The following SCFD2 variants were observed in gnomAD, a reference collection of about 807,000 sequenced individuals.
SCFD2 encodes sec1 family domain-containing protein 2.
SCFD2 carries 54 observed loss-of-function variants against 58.9 expected under a neutral mutation model. The observed-to-expected ratio is 0.92, with a 90% CI of 0.74 to 1.15. SCFD2 has a LOEUF of 1.15. Among genes scored for constraint, SCFD2 ranks in the 50% most tolerant of loss-of-function variants. The pLI is 0.00. For missense variants in SCFD2, 805 were observed against 836.6 expected (o/e 0.96, Z 0.47); for synonymous variants, 321 against 335.9 (o/e 0.96, Z 0.49).
chr4:53,094,256 C>T (rs1724554292), intron 5 of SCFD2, among the ~76,000 whole-genome samples: 1 of 152,038 alleles, frequency 6.6e-6, no homozygotes, highest in Admixed American at 6.6e-5. Context: ...GCTACGGATG[C>T]CATAACAAAT....
intron 5 of SCFD2, among the ~76,000 whole-genome samples, chr4:52,944,119 C>A (rs1270981643): frequency 6.6e-6 from 1 of 152,186 alleles, no homozygotes; most frequent in African/African-American, 2.4e-5. Context: ...TAAACACATT[C>A]TGTCTCTTTT....
At chr4:52,905,817 T>C (rs1170740843) in intron 7 of SCFD2, among the ~76,000 whole-genome samples, 1 of 152,124 alleles carries the variant, frequency 6.6e-6, no homozygotes, top group Admixed American at 6.5e-5. Flanking sequence ...AAAATAAACA[T>C]GATCAACAAC....
chr4:52,940,892 G>C (rs186003241), intron 5 of SCFD2, among the ~76,000 whole-genome samples: 42 of 152,152 alleles, frequency 2.8e-4, no homozygotes, highest in African/African-American at 8.9e-4. Flanking sequence ...AAGACCCTTG[G>C]GCACGCTCTT....
intron 4 of SCFD2, among the ~76,000 whole-genome samples, chr4:53,207,187 C>A (rs1405030526): frequency 6.6e-6 from 1 of 151,596 alleles, no homozygotes; most frequent in East Asian, 1.9e-4. Flanking sequence ...GACCCAATTA[C>A]CTCTTATTAA....
At chr4:52,980,282 CTA>C (rs1721346879) in intron 5 of SCFD2, among the ~76,000 whole-genome samples, 2 of 152,192 alleles carry the variant, frequency 1.3e-5, no homozygotes, top group South Asian at 4.1e-4. Context: ...TACAGCAATT[CTA>C]TGAGGCAGGC....
At chr4:53,198,657 CTG>C (rs1163668081) in intron 4 of SCFD2, among the ~76,000 whole-genome samples, 3 of 151,060 alleles carry the variant, frequency 2.0e-5, no homozygotes, top group Non-Finnish European at 3.0e-5. Flanking sequence ...TGGTTTTATG[CTG>C]TGTGAGTGAA....
At chr4:53,300,307 G>A (rs975879989) in intron 3 of SCFD2, among the ~76,000 whole-genome samples, 57 of 151,994 alleles carry the variant, frequency 3.8e-4, no homozygotes, top group African/African-American at 1.1e-3. Context: ...TCCTAGTCTC[G>A]GATAAAACAG....
intron 4 of SCFD2, among the ~76,000 whole-genome samples, chr4:53,219,478 G>A (rs375293962): frequency 2.1e-4 from 32 of 152,308 alleles, no homozygotes; most frequent in South Asian, 1.2e-3. Flanking sequence ...TGCTAAGACC[G>A]TTGGAAAAGC....
intron 8 of SCFD2, among the ~76,000 whole-genome samples, chr4:52,875,989 T>C (rs1444772265): frequency 1.3e-5 from 2 of 151,628 alleles, no homozygotes; most frequent in Admixed American, 6.6e-5. Flanking sequence ...ATCATCTGCA[T>C]GCATGATTTA....
At chr4:53,292,133 G>C (rs1319841279) in intron 3 of SCFD2, among the ~76,000 whole-genome samples, 3 of 151,882 alleles carry the variant, frequency 2.0e-5, no homozygotes, top group African/African-American at 7.3e-5. Flanking sequence ...CAGCACATAG[G>C]CATGGGCAAA....
chr4:52,889,696 AT>A (rs1331977079), intron 7 of SCFD2, among the ~76,000 whole-genome samples: 3 of 152,244 alleles, frequency 2.0e-5, no homozygotes, highest in African/African-American at 7.2e-5. Context: ...TGCTCCATTA[AT>A]TTTAAAGTAA....
intron 4 of SCFD2, among the ~76,000 whole-genome samples, chr4:53,217,511 C>G (rs564888837): frequency 2.6e-5 from 4 of 152,166 alleles, no homozygotes; most frequent in Admixed American, 1.3e-4. Context: ...CTTCCTCCAT[C>G]CCTTTATTTT....
intron 7 of SCFD2, among the ~76,000 whole-genome samples, chr4:52,898,621 C>T (rs987960077): frequency 7.2e-5 from 11 of 152,080 alleles, no homozygotes; most frequent in Admixed American, 1.3e-4. Flanking sequence ...GAAAAGAATG[C>T]ATATTCTGTT....
At chr4:53,198,214 C>G (rs1728118372) in intron 4 of SCFD2, among the ~76,000 whole-genome samples, 1 of 152,002 alleles carries the variant, frequency 6.6e-6, no homozygotes, top group East Asian at 1.9e-4. Context: ...CTAAACAAAA[C>G]AATAATTACT....
intron 4 of SCFD2, among the ~76,000 whole-genome samples, chr4:53,196,875 AT>A (rs1728074706): frequency 6.6e-6 from 1 of 152,162 alleles, no homozygotes; most frequent in South Asian, 2.1e-4. Context: ...AGACAGCTAG[AT>A]TTAAGACTGG....
chr4:53,208,192 G>A (rs1728497684), intron 4 of SCFD2, among the ~76,000 whole-genome samples: 1 of 151,284 alleles, frequency 6.6e-6, no homozygotes, highest in African/African-American at 2.4e-5. Flanking sequence ...TCCCAGTCTG[G>A]TCTCAAATTC....
intron 5 of SCFD2, among the ~76,000 whole-genome samples, chr4:52,938,353 A>AG (rs1720197780): frequency 6.6e-6 from 1 of 152,200 alleles, no homozygotes; most frequent in Non-Finnish European, 1.5e-5. Context: ...CCCAGAGCCC[A>AG]GACTCCTAAA....
At position 53,121,000 on chromosome 4, in the gene SCFD2, C is replaced by T. The variant is rs552980034; in HGVS notation, c.1561+24333G>A. ...TCTATTCGTAGATTCACTCAATAGA[C>T]GCTTGCCAAGCGGCTACTACGTGCC... On this transcript the variant is annotated intron_variant, in intron 5 of 8. Coordinates refer to ENST00000401642, the MANE Select transcript of SCFD2 (RefSeq NM_152540.4). 8.5e-5 allele frequency among the ~76,000 whole-genome samples: 13 copies of T among 152,336 alleles called. 1 individual carries two copies. Among genetic ancestry groups the T allele is most frequent in the Admixed American group, 5.2e-4 (8 of 15,300 alleles).
At chr4:53,257,873 T>A (rs549524544) in intron 4 of SCFD2, among the ~76,000 whole-genome samples, 19 of 151,762 alleles carry the variant, frequency 1.3e-4, no homozygotes, top group Non-Finnish European at 2.1e-4. Flanking sequence ...CTCTCTTTTT[T>A]AAAAAAAACC....
Sources: gnomAD v4.1 joint callset for allele counts (sites outside exome capture counted in the v4.1 genomes callset) on GRCh38, gnomAD v4.1.1 for gene constraint, MANE v1.5 for transcripts, NCBI Gene and HGNC (gene_info 2026-07-23, HGNC 2026-07-21) for gene names.